GPD2: variants seen among roughly 807,000 people sequenced by gnomAD.
GPD2 encodes the protein glycerol-3-phosphate dehydrogenase 2, also known as glycerol-3-phosphate dehydrogenase, mitochondrial.
GPD2 carries 54 observed loss-of-function variants against 82.4 expected under a neutral mutation model. The ratio of observed to expected loss-of-function variants is 0.66; its 90% CI spans 0.53 to 0.82. GPD2 has a LOEUF of 0.82. GPD2 is among the 40% of genes least tolerant of loss of function. The pLI, the probability that GPD2 is intolerant of heterozygous loss-of-function variation, is 0.00. For missense variants in GPD2, 748 were observed against 896.2 expected, an observed-to-expected ratio of 0.83 and a Z score of 2.11; for synonymous variants, 288 against 306.1, an observed-to-expected ratio of 0.94 and a Z score of 0.62.
At chr2:156,533,931 C>T (rs960889936) in intron 6 of GPD2, among the ~76,000 whole-genome samples, 4 of 152,198 alleles carry the variant, frequency 2.6e-5, no homozygotes, top group African/African-American at 9.7e-5. Context: ...CCTGAAGCCC[C>T]AGTGGGCATG....
the GPD2 span, among the ~76,000 whole-genome samples, chr2:156,403,162 T>C: frequency 1.0e-4 from 15 of 146,048 alleles, no homozygotes; most frequent in African/African-American, 3.8e-4. Context: ...AAAAGTCTTA[T>C]GTAAAACATT....
intron 1 of GPD2, among the ~76,000 whole-genome samples, chr2:156,451,409 A>C (rs1167128755): frequency 1.6e-5 from 2 of 127,214 alleles, no homozygotes; most frequent in Non-Finnish European, 3.4e-5. Flanking sequence ...GGCAGCTGGC[A>C]GGGCGGGGGG....
upstream of GPD2, among the ~76,000 whole-genome samples, chr2:156,432,839 T>C (rs1688332680): frequency 6.6e-6 from 1 of 152,090 alleles, no homozygotes; most frequent in South Asian, 2.1e-4. Flanking sequence ...TCAGAGTAAA[T>C]TGTATGCTGA....
At chr2:156,500,202 T>G (rs1413791770) in intron 3 of GPD2, among the ~76,000 whole-genome samples, 1 of 152,188 alleles carries the variant, frequency 6.6e-6, no homozygotes, top group East Asian at 1.9e-4. Context: ...TGTCTTATTT[T>G]ATATATGTGG....
chr2:156,469,766 A>G (rs1214669875), intron 1 of GPD2, among the ~76,000 whole-genome samples: 4 of 152,220 alleles, frequency 2.6e-5, no homozygotes, highest in Non-Finnish European at 5.9e-5. Context: ...GCTTACTTCT[A>G]TGCTGGCATA....
At chr2:156,514,147 A>G (rs967081892) in intron 6 of GPD2, among the ~76,000 whole-genome samples, 2 of 139,338 alleles carry the variant, frequency 1.4e-5, no homozygotes, top group African/African-American at 5.4e-5. Flanking sequence ...TTTTTTTTGC[A>G]TGTATGCAAT....
At chr2:156,582,690 C>A in intron 16 of GPD2, 103 bp from the exon 17 acceptor site, 2 of 1,220,278 alleles carry the variant, frequency 1.6e-6, no homozygotes, top group Non-Finnish European at 2.4e-6. Flanking sequence ...TTTGATGGAG[C>A]ACTTAATTAC....
chr2:156,424,567 A>G, the GPD2 span, among the ~76,000 whole-genome samples: 3 of 152,330 alleles, frequency 2.0e-5, no homozygotes, highest in Admixed American at 2.0e-4. Flanking sequence ...GAGCTAAGGA[A>G]ACAGATTAAA....
chr2:156,432,111 C>A (rs1285891749), upstream of GPD2, among the ~76,000 whole-genome samples: 1 of 152,166 alleles, frequency 6.6e-6, no homozygotes, highest in Non-Finnish European at 1.5e-5. Flanking sequence ...TGCTCTTGAA[C>A]TCCTGACCTC....
intron 6 of GPD2, among the ~76,000 whole-genome samples, chr2:156,516,876 A>T (rs1281494182): frequency 6.6e-6 from 1 of 152,270 alleles, no homozygotes; most frequent in Admixed American, 6.5e-5. Flanking sequence ...GGACAAACTA[A>T]TAAATGTTGC....
chr2:156,553,744 A>G (rs1481374505), intron 8 of GPD2, among the ~76,000 whole-genome samples: 1 of 152,134 alleles, frequency 6.6e-6, no homozygotes, highest in Non-Finnish European at 1.5e-5. Flanking sequence ...ATATTGTTCT[A>G]TATTATGCTT....
intron 3 of GPD2, among the ~76,000 whole-genome samples, chr2:156,497,963 A>T (rs1477404579): frequency 6.6e-6 from 1 of 152,174 alleles, no homozygotes; most frequent in African/African-American, 2.4e-5. Context: ...AGGCCTGGGA[A>T]AGAAGGTGGA....
chr2:156,555,607 T>A (rs1039953364), intron 8 of GPD2, among the ~76,000 whole-genome samples: 1 of 152,186 alleles, frequency 6.6e-6, no homozygotes, highest in Non-Finnish European at 1.5e-5. Context: ...AAGTGACTGA[T>A]GTAATCTAAG....
intron 1 of GPD2, among the ~76,000 whole-genome samples, chr2:156,450,831 C>T (rs1682532785): frequency 8.0e-6 from 1 of 124,974 alleles, no homozygotes; most frequent in African/African-American, 3.0e-5. Flanking sequence ...TGTTTGTGTC[C>T]CTGGGTACTT....
chr2:156,443,131 C>T (rs994287309), intron 1 of GPD2, among the ~76,000 whole-genome samples: 1 of 152,148 alleles, frequency 6.6e-6, no homozygotes, highest in South Asian at 2.1e-4. Flanking sequence ...TCCTAACAAA[C>T]CTTGAGTGCC....
chr2:156,485,290 C>T (rs1683898461), intron 2 of GPD2, among the ~76,000 whole-genome samples: 1 of 152,156 alleles, frequency 6.6e-6, no homozygotes, highest in South Asian at 2.1e-4. Flanking sequence ...AGAAGGAACT[C>T]ATGGTTGAGT....
chr2:156,515,230 A>G (rs1437508278), intron 6 of GPD2, among the ~76,000 whole-genome samples: 5 of 152,052 alleles, frequency 3.3e-5, no homozygotes, highest in Non-Finnish European at 7.4e-5. Flanking sequence ...GCGAATCCTC[A>G]TCTCTACTAA....
At chr2:156,436,029 C>T (rs1445797936), upstream of GPD2, among the ~76,000 whole-genome samples, 1 of 152,222 alleles carries the variant, frequency 6.6e-6, no homozygotes, top group Non-Finnish European at 1.5e-5. Context: ...CAGCCAGGGG[C>T]GAGGGCCCTT....
At chr2:156,482,729 A>C (rs1683777212) in intron 2 of GPD2, among the ~76,000 whole-genome samples, 1 of 152,200 alleles carries the variant, frequency 6.6e-6, no homozygotes, top group Admixed American at 6.5e-5. Context: ...CTCACTTTGT[A>C]AGAGACATCA....
Sources: allele counts gnomAD v4.1 joint callset (sites outside exome capture counted in the v4.1 genomes callset), GRCh38; gene constraint gnomAD v4.1.1; transcripts MANE v1.5; gene names NCBI Gene and HGNC (gene_info 2026-07-23, HGNC 2026-07-21).